SORCS1: variants seen among roughly 807,000 people sequenced by gnomAD.
The protein encoded by SORCS1 is VPS10 domain-containing receptor SorCS1.
In SORCS1, 60 loss-of-function variants were observed where a neutral mutation model predicts 146.1. The ratio of observed to expected loss-of-function variants is 0.41; its 90% CI spans 0.33 to 0.51. The LOEUF is 0.51. SORCS1 is among the 20% of genes least tolerant of loss of function. The pLI is 0.21. For synonymous variants in SORCS1, 637 were observed against 584.0 expected, an observed-to-expected ratio of 1.09 and a Z score of -1.31; for missense variants, 1,352 against 1,487.6, an observed-to-expected ratio of 0.91 and a Z score of 1.50.
chr10:106,987,847 G>A (rs1034127193), intron 1 of SORCS1, among the ~76,000 whole-genome samples: 1 of 152,000 alleles, frequency 6.6e-6, no homozygotes, highest in Non-Finnish European at 1.5e-5. Context: ...TTTTAAATAA[G>A]ATAATAATTT....
chr10:106,910,443 C>G (rs1278632390), intron 2 of SORCS1, among the ~76,000 whole-genome samples: 1 of 152,126 alleles, frequency 6.6e-6, no homozygotes, highest in Non-Finnish European at 1.5e-5. Flanking sequence ...AGGTGCTCAT[C>G]TGGCACCTGG....
At chr10:106,760,271 C>T (rs1045157911) in intron 5 of SORCS1, among the ~76,000 whole-genome samples, 7 of 151,582 alleles carry the variant, frequency 4.6e-5, no homozygotes, top group Non-Finnish European at 1.0e-4. Flanking sequence ...GGTGAAACTC[C>T]GTCTCTACTA....
intron 3 of SORCS1, among the ~76,000 whole-genome samples, chr10:106,797,305 C>T (rs1946620884): frequency 6.6e-6 from 1 of 152,032 alleles, no homozygotes; most frequent in Admixed American, 6.6e-5. Flanking sequence ...AATTCCTAGA[C>T]AATGGCATTT....
intron 1 of SORCS1, among the ~76,000 whole-genome samples, chr10:107,111,710 T>C (rs1045600588): frequency 2.0e-5 from 3 of 152,062 alleles, no homozygotes; most frequent in African/African-American, 7.2e-5. Flanking sequence ...ATATGAGTAT[T>C]CAGATTCATG....
At chr10:107,087,804 C>CCTAA (rs1220876866) in intron 1 of SORCS1, among the ~76,000 whole-genome samples, 2 of 152,228 alleles carry the variant, frequency 1.3e-5, no homozygotes, top group African/African-American at 4.8e-5. Flanking sequence ...GCTTAGGCCT[C>CCTAA]CTAACTGTCT....
intron 1 of SORCS1, among the ~76,000 whole-genome samples, chr10:107,109,542 G>T (rs1965538199): frequency 6.6e-6 from 1 of 152,214 alleles, no homozygotes; most frequent in Non-Finnish European, 1.5e-5. Flanking sequence ...AGTACAGTGA[G>T]GCCCTGGGCC....
At chr10:106,918,834 G>C (rs918867220) in intron 2 of SORCS1, among the ~76,000 whole-genome samples, 1 of 151,298 alleles carries the variant, frequency 6.6e-6, no homozygotes, top group Admixed American at 6.6e-5. Context: ...AAATTGTATA[G>C]TGTATTATAT....
At chr10:106,643,884 T>G (rs1351869009) in intron 18 of SORCS1, among the ~76,000 whole-genome samples, 1 of 152,204 alleles carries the variant, frequency 6.6e-6, no homozygotes, top group Non-Finnish European at 1.5e-5. Context: ...AAGTTCTTGT[T>G]TCAGATCTTG....
At chr10:106,698,297 G>C (rs1450235609) in intron 9 of SORCS1, among the ~76,000 whole-genome samples, 2 of 152,162 alleles carry the variant, frequency 1.3e-5, no homozygotes, top group Non-Finnish European at 2.9e-5. Context: ...ACAATCTCTT[G>C]ACTCACTGCT....
At position 106,804,704 on chromosome 10, in the gene SORCS1, T is replaced by C. The variant is rs372948562; in HGVS notation, c.726+24870A>G. ...CAGTTATCTAGGAAATCCACTTAAA[T>C]AGACTTTTCCTAGCATGGTGCACTC... is the stretch of plus-strand genomic sequence containing the variant. On this transcript the variant is annotated intron_variant, in intron 3 of 25. Transcript: ENST00000263054. 1.3e-3 allele frequency among the ~76,000 whole-genome samples: 205 copies of C among 152,298 alleles called. 1 individual carries two copies. Among genetic ancestry groups the C allele is most frequent in the African/African-American group, 4.6e-3 (193 of 41,576 alleles).
chr10:106,980,566 A>G (rs2139339431), intron 1 of SORCS1, among the ~76,000 whole-genome samples: 1 of 152,312 alleles, frequency 6.6e-6, no homozygotes, highest in East Asian at 1.9e-4. Context: ...CAAATCAATG[A>G]CAAGCAAACT....
chr10:107,058,827 C>T (rs1304413012), intron 1 of SORCS1, among the ~76,000 whole-genome samples: 1 of 152,126 alleles, frequency 6.6e-6, no homozygotes, highest in Non-Finnish European at 1.5e-5. Flanking sequence ...ATTTATAGTT[C>T]CAGTTACCTA....
At chr10:106,779,001 C>T (rs1330026116) in intron 3 of SORCS1, among the ~76,000 whole-genome samples, 1 of 151,104 alleles carries the variant, frequency 6.6e-6, no homozygotes, top group South Asian at 2.2e-4. Flanking sequence ...GATCAGACTG[C>T]ATAAGACATC....
chr10:106,654,451 A>G (rs1157673017), intron 17 of SORCS1, among the ~76,000 whole-genome samples: 3 of 152,152 alleles, frequency 2.0e-5, no homozygotes, highest in African/African-American at 7.2e-5. Context: ...TAAACCCTTA[A>G]AAGAATCCTT....
chr10:107,085,133 C>G (rs1047047746), intron 1 of SORCS1, among the ~76,000 whole-genome samples: 1 of 152,164 alleles, frequency 6.6e-6, no homozygotes, highest in African/African-American at 2.4e-5. Flanking sequence ...GAGAAAGAGA[C>G]AGAGAGACAC....
rs1387032274 is a variant in SORCS1, at chr10:106,847,665, A to T, written c.627-17992T>A. On this transcript the variant is annotated intron_variant, in intron 2 of 25. Transcript: ENST00000263054. ...TTGCTCTTGCTTTTCTAGTTCTTTTAATTGTGATGTTAGGGTGTCAATTTT... is the reference window on the plus strand; with the variant it reads ...TTGCTCTTGCTTTTCTAGTTCTTTTTATTGTGATGTTAGGGTGTCAATTTT... Among the ~76,000 whole-genome samples, 14 of 72,812 alleles carry T rather than the reference A, an allele frequency of 1.9e-4. 2 individuals are homozygous for T. Among genetic ancestry groups the T allele is most frequent in the African/African-American group, 6.1e-4 (13 of 21,428 alleles). The allele number at this position is 72,812 out of a possible 152,430, so 47.8% of individuals were successfully genotyped here. A position where few individuals can be genotyped will look rare whatever the true frequency, so the allele number is the denominator to read the frequency against.
intron 2 of SORCS1, among the ~76,000 whole-genome samples, chr10:106,927,322 G>C (rs1030058737): frequency 6.6e-6 from 1 of 152,078 alleles, no homozygotes; most frequent in Non-Finnish European, 1.5e-5. Context: ...GACCTTCACA[G>C]ATGAGTGTTA....
At chr10:106,920,831 T>G (rs548254591) in intron 2 of SORCS1, among the ~76,000 whole-genome samples, 1 of 152,182 alleles carries the variant, frequency 6.6e-6, no homozygotes, top group East Asian at 1.9e-4. Flanking sequence ...GCATCTCCAG[T>G]CCAAATAGTG....
Position 107,164,603 on chromosome 10 carries a change from G to A in SORCS1, c.-77C>T, listed in dbSNP as rs1969975994. 8.2e-7 allele frequency: 1 copy of A among 1,216,710 alleles called. No individual in the cohort carries two copies. Among genetic ancestry groups the A allele is most frequent in the Non-Finnish European group, 1.0e-6 (1 of 953,846 alleles). The allele number at this position is 1,216,710 out of a possible 1,614,324, so 75.4% of individuals were successfully genotyped here. Reference sequence around the variant, plus strand: ...ACGAGCTCTGCGCTGGCGGCTGTGGGGGGCCGGCGCTCAGGACCCCAACTC... The same window carrying A: ...ACGAGCTCTGCGCTGGCGGCTGTGGAGGGCCGGCGCTCAGGACCCCAACTC... On this transcript the variant is annotated 5_prime_UTR_variant, in exon 1 of 26. Coordinates refer to ENST00000263054, the MANE Select transcript of SORCS1 (RefSeq NM_052918.5). This position sits in a 1 kb window ranked among gnomAD's most constrained non-coding sequence, Gnocchi z 6.8.
Sources: gnomAD v4.1 joint callset for allele counts (sites outside exome capture counted in the v4.1 genomes callset) on GRCh38, gnomAD v4.1.1 for gene constraint, Gnocchi (gnomAD v3.1) non-coding constraint, MANE v1.5 for transcripts, NCBI Gene and HGNC (gene_info 2026-07-23, HGNC 2026-07-21) for gene names.